The following AK5 variants were observed in gnomAD, a reference collection of about 807,000 sequenced individuals.
AK5 encodes the protein adenylate kinase 5.
Under a neutral mutation model 69.5 loss-of-function variants are expected in AK5, and 27 were observed. That is an observed-to-expected ratio of 0.39 (90% confidence interval 0.29 to 0.54). The LOEUF is 0.54. Among genes scored for constraint, AK5 ranks in the 20% least tolerant of loss-of-function variants. The pLI is 0.71. For synonymous variants in AK5, 260 were observed against 244.4 expected (o/e 1.06, Z -0.60); for missense variants, 531 against 700.4 (o/e 0.76, Z 2.73).
At position 77,340,441 on chromosome 1, in the gene AK5, T is replaced by G. The variant is rs1299526096; in HGVS notation, c.764T>G (p.Leu255Arg). ...CANQRLKERL[L>R]KRAEQQGRPD... is the part of the protein sequence containing the mutation. The stretch of plus-strand genomic sequence containing the variant: ...AATCAGAGACTCAAAGAAAGATTAC[T>G]GAAGCGTGCAGAACAGCAGGGCCGA... The change falls in exon 6 of 14, where the codon CTG (leucine) becomes CGG (arginine). Residue 255 changes from leucine to arginine, a missense_variant. Transcript: ENST00000354567. The G allele has an allele frequency of 1.2e-6, 2 of 1,614,022 alleles. No individual in the cohort carries two copies. Among genetic ancestry groups the G allele is most frequent in the Non-Finnish European group, 1.7e-6 (2 of 1,179,984 alleles).
chr1:77,431,379 G>A (rs1422573072), intron 8 of AK5, among the ~76,000 whole-genome samples: 1 of 152,154 alleles, frequency 6.6e-6, no homozygotes, highest in Non-Finnish European at 1.5e-5. Context: ...CACTCTTATA[G>A]GCGCTATACT....
chr1:77,309,558 C>T (rs1463441346), intron 5 of AK5, among the ~76,000 whole-genome samples: 1 of 152,126 alleles, frequency 6.6e-6, no homozygotes, highest in African/African-American at 2.4e-5. Context: ...ATAACGATTT[C>T]ATGTTACACT....
At chr1:77,494,599 T>G (rs1224616261) in intron 10 of AK5, among the ~76,000 whole-genome samples, 1 of 152,186 alleles carries the variant, frequency 6.6e-6, no homozygotes, top group Non-Finnish European at 1.5e-5. Flanking sequence ...AACTGTTCTC[T>G]TAATTGGAAA....
At chr1:77,548,478 G>T (rs2100389860) in intron 13 of AK5, among the ~76,000 whole-genome samples, 1 of 152,292 alleles carries the variant, frequency 6.6e-6, no homozygotes, top group Middle Eastern at 3.4e-3. Context: ...GTGGTGTGAG[G>T]CTGTGTCTTG....
At chr1:77,374,386 A>C (rs1338051216) in intron 6 of AK5, among the ~76,000 whole-genome samples, 3 of 149,082 alleles carry the variant, frequency 2.0e-5, no homozygotes, top group African/African-American at 7.4e-5. Flanking sequence ...ATTGCATTTC[A>C]GTTCAGTCCT....
At chr1:77,513,520 TAGTA>T (rs1440697600) in intron 10 of AK5, among the ~76,000 whole-genome samples, 1 of 152,226 alleles carries the variant, frequency 6.6e-6, no homozygotes, top group Non-Finnish European at 1.5e-5. Flanking sequence ...ATCCTGGAGT[TAGTA>T]AGATGCAATA....
At chr1:77,425,340 C>T (rs535436587) in intron 8 of AK5, among the ~76,000 whole-genome samples, 1 of 152,188 alleles carries the variant, frequency 6.6e-6, no homozygotes, top group African/African-American at 2.4e-5. Context: ...AATCCCAGCA[C>T]TTTGGGAGGC....
At chr1:77,302,408 T>C (rs1388513691) in intron 5 of AK5, among the ~76,000 whole-genome samples, 1 of 152,196 alleles carries the variant, frequency 6.6e-6, no homozygotes, top group Non-Finnish European at 1.5e-5. Flanking sequence ...CCGTTTTTCC[T>C]TTTTCTGTTC....
Position 77,555,138 on chromosome 1 carries a change from C to T in AK5, c.1621-3464C>T, listed in dbSNP as rs555079375. On this transcript the variant is annotated intron_variant, in intron 13 of 13. Coordinates refer to ENST00000354567, the MANE Select transcript of AK5 (RefSeq NM_174858.3). Reference sequence around the variant, plus strand: ...TCTACTAAAAAGACAAATGGCCAGGCATGGTGGCACACACCTATAATCCCA... The same window carrying T: ...TCTACTAAAAAGACAAATGGCCAGGTATGGTGGCACACACCTATAATCCCA... Among the ~76,000 whole-genome samples, 12 of 152,078 alleles carry T rather than the reference C, an allele frequency of 7.9e-5. 1 individual carries two copies. The East Asian group carries it at 1.4e-3, about 17-fold the overall frequency.
At chr1:77,526,465 C>CTTTT (rs917395853) in intron 12 of AK5, among the ~76,000 whole-genome samples, 12 of 84,660 alleles carry the variant, frequency 1.4e-4, no homozygotes, top group South Asian at 4.6e-4. Flanking sequence ...GAATAAAAGT[C>CTTTT]TTTTTTTTTT....
chr1:77,524,627 A>G (rs1442715604), intron 12 of AK5, among the ~76,000 whole-genome samples: 3 of 152,130 alleles, frequency 2.0e-5, no homozygotes, highest in Non-Finnish European at 4.4e-5. Context: ...AGTTCTTTAT[A>G]TATTTTGGAT....
chr1:77,403,985 T>C (rs933409414), intron 6 of AK5, among the ~76,000 whole-genome samples: 2 of 152,206 alleles, frequency 1.3e-5, no homozygotes, highest in African/African-American at 4.8e-5. Context: ...GAGCAGTGGT[T>C]TGTAGTTCTC....
intron 8 of AK5, among the ~76,000 whole-genome samples, chr1:77,425,523 G>T (rs1027568326): frequency 2.0e-5 from 3 of 152,086 alleles, no homozygotes; most frequent in Non-Finnish European, 4.4e-5. Context: ...GGAGGCGGAG[G>T]TTGCAGTGAG....
chr1:77,407,222 G>A (rs995619086), intron 6 of AK5, among the ~76,000 whole-genome samples: 72 of 152,160 alleles, frequency 4.7e-4, no homozygotes, highest in Middle Eastern at 6.8e-3. Context: ...TTTTTTAAAA[G>A]GCTCAAATCA....
intron 8 of AK5, among the ~76,000 whole-genome samples, chr1:77,429,460 G>A (rs914199972): frequency 1.3e-5 from 2 of 152,060 alleles, no homozygotes; most frequent in Admixed American, 6.6e-5. Context: ...TTTTTTTCTT[G>A]TAAATTCAAT....
chr1:77,358,031 G>GAGAGAGAC (rs1553138084), intron 6 of AK5, among the ~76,000 whole-genome samples: 2 of 151,518 alleles, frequency 1.3e-5, no homozygotes, highest in Non-Finnish European at 2.9e-5. Flanking sequence ...GAGAGAGAGA[G>GAGAGAGAC]AGAGAGAGAC....
intron 12 of AK5, among the ~76,000 whole-genome samples, chr1:77,533,489 G>A (rs150992390): frequency 1.2e-3 from 151 of 129,426 alleles, no homozygotes; most frequent in African/African-American, 4.2e-3. Context: ...AGCCTAGGCT[G>A]CAGAGCAAGA....
At chr1:77,411,150 G>T in intron 7 of AK5, 79 bp downstream of exon 7, 1 of 1,214,092 alleles carries the variant, frequency 8.2e-7, no homozygotes. Flanking sequence ...AATGGTTGAA[G>T]TTCAACAAAC....
chr1:77,339,463 T>C (rs929267084), intron 5 of AK5, among the ~76,000 whole-genome samples: 1 of 152,188 alleles, frequency 6.6e-6, no homozygotes, highest in African/African-American at 2.4e-5. Flanking sequence ...TTGGGCCTTT[T>C]AGTGCTTTGT....
Sources: allele counts gnomAD v4.1 joint callset (sites outside exome capture counted in the v4.1 genomes callset), GRCh38; gene constraint gnomAD v4.1.1; transcripts MANE v1.5; gene names NCBI Gene and HGNC (gene_info 2026-07-23, HGNC 2026-07-21).